Variants in PHF24 observed in about 807,000 individuals in gnomAD.
The protein encoded by PHF24 is Galpha inhibitory interacting protein.
In PHF24, 25 loss-of-function variants were observed where a neutral mutation model predicts 42.6. The observed-to-expected ratio is 0.59, with a 90% confidence interval of 0.43 to 0.82. PHF24 has a LOEUF of 0.82. Among genes scored for constraint, PHF24 ranks in the 40% least tolerant of loss-of-function variants. The pLI is 0.00. For synonymous variants in PHF24, 185 were observed against 204.8 expected (o/e 0.90, Z 0.83); for missense variants, 470 against 538.1 (o/e 0.87, Z 1.25).
chr9:34,973,002 G>C (rs181051526), intron 3 of PHF24, among the ~76,000 whole-genome samples: 1 of 151,902 alleles, frequency 6.6e-6, no homozygotes, highest in Non-Finnish European at 1.5e-5. Flanking sequence ...TACATTTTAG[G>C]CTGGCTAGTT....
chr9:34,947,997 T>C, the PHF24 span, among the ~76,000 whole-genome samples: 635 of 151,546 alleles, frequency 4.2e-3, 2 homozygotes, highest in Non-Finnish European at 6.9e-3. Flanking sequence ...TAGTCCCAGC[T>C]ACTCGGGAGG....
At chr9:34,855,374 A>G in the PHF24 span, among the ~76,000 whole-genome samples, 11 of 152,250 alleles carry the variant, frequency 7.2e-5, no homozygotes, top group East Asian at 2.1e-3. Context: ...AGTGTCATTG[A>G]TCTGTGTACT....
At chr9:34,680,470 C>G in the PHF24 span, among the ~76,000 whole-genome samples, 2 of 151,550 alleles carry the variant, frequency 1.3e-5, no homozygotes, top group East Asian at 3.9e-4. Context: ...GGGTGGATCA[C>G]GAGGTCAGGA....
chr9:34,808,916 T>C, the PHF24 span, among the ~76,000 whole-genome samples: 2 of 147,922 alleles, frequency 1.4e-5, no homozygotes, highest in Admixed American at 6.7e-5. Context: ...AGGGATAGCA[T>C]TGGGAGATAT....
chr9:34,784,962 GT>G, the PHF24 span, among the ~76,000 whole-genome samples: 2 of 152,314 alleles, frequency 1.3e-5, no homozygotes, highest in South Asian at 4.1e-4. Context: ...TTTGAAATGT[GT>G]TTTAGCTTTT....
chr9:34,931,394 A>AAAG, the PHF24 span, among the ~76,000 whole-genome samples: 1 of 149,406 alleles, frequency 6.7e-6, no homozygotes, highest in African/African-American at 2.5e-5. Flanking sequence ...AAAAAAAAAA[A>AAAG]GAATGGTATA....
chr9:34,681,349 A>C, the PHF24 span: 1 of 152,200 alleles, frequency 6.6e-6, no homozygotes, highest in Non-Finnish European at 1.5e-5. Flanking sequence ...TAGAAAATAG[A>C]GATGTAAGAT....
At chr9:34,833,097 G>A in the PHF24 span, 185 of 1,551,378 alleles carry the variant, frequency 1.2e-4, no homozygotes, top group African/African-American at 1.8e-3. Context: ...GTTGAGGAGC[G>A]CCCAAACCCC....
chr9:34,832,319 G>C, the PHF24 span: 1 of 634,730 alleles, frequency 1.6e-6, no homozygotes, highest in Non-Finnish European at 2.8e-6. Flanking sequence ...CTGGTTGGGG[G>C]GCACAAGCCA....
chr9:34,720,669 A>G, the PHF24 span, among the ~76,000 whole-genome samples: 3 of 151,816 alleles, frequency 2.0e-5, no homozygotes, highest in South Asian at 2.1e-4. Flanking sequence ...CCACCCATAT[A>G]ACCTCCCTGG....
the PHF24 span, among the ~76,000 whole-genome samples, chr9:34,882,075 C>T: frequency 6.6e-5 from 10 of 152,120 alleles, no homozygotes; most frequent in Non-Finnish European, 1.0e-4. Flanking sequence ...AATCAATAAA[C>T]GTAATCCATC....
At chr9:34,872,803 A>G in the PHF24 span, among the ~76,000 whole-genome samples, 1 of 141,702 alleles carries the variant, frequency 7.1e-6, no homozygotes, top group East Asian at 2.1e-4. Context: ...CAATGGTTGA[A>G]CTAGTTTACA....
the PHF24 span, among the ~76,000 whole-genome samples, chr9:34,711,358 C>A: frequency 2.0e-5 from 3 of 150,566 alleles, no homozygotes; most frequent in African/African-American, 7.3e-5. Context: ...GTGATCCTTC[C>A]ACCTCAGTCT....
At chr9:34,728,448 A>G in the PHF24 span, among the ~76,000 whole-genome samples, 5 of 152,182 alleles carry the variant, frequency 3.3e-5, no homozygotes, top group African/African-American at 1.2e-4. Context: ...ATTTTGGAAC[A>G]TTCTCAAGTT....
the PHF24 span, among the ~76,000 whole-genome samples, chr9:34,763,460 T>C: frequency 6.6e-6 from 1 of 152,216 alleles, no homozygotes; most frequent in Non-Finnish European, 1.5e-5. Context: ...TTTGAAGCAA[T>C]TGTGAATGGG....
At chr9:34,941,712 T>C in the PHF24 span, among the ~76,000 whole-genome samples, 2 of 152,186 alleles carry the variant, frequency 1.3e-5, no homozygotes, top group African/African-American at 4.8e-5. Context: ...GTCTTCTCAC[T>C]GTAACCTTAC....
the PHF24 span, among the ~76,000 whole-genome samples, chr9:34,776,422 T>C: frequency 1.3e-5 from 2 of 152,236 alleles, no homozygotes; most frequent in Non-Finnish European, 2.9e-5. Context: ...CTGGATTATT[T>C]CAAAATACTT....
the PHF24 span, chr9:34,691,421 T>A: frequency 4.2e-5 from 19 of 449,178 alleles, no homozygotes; most frequent in Non-Finnish European, 7.3e-5. Context: ...CCCCCTGCGG[T>A]TGCCCTTTCC....
the PHF24 span, among the ~76,000 whole-genome samples, chr9:34,728,271 TA>T: frequency 6.6e-6 from 1 of 152,252 alleles, no homozygotes; most frequent in Admixed American, 6.5e-5. Context: ...ATTTGATTTT[TA>T]CAACCACAAT....
Sources: allele counts gnomAD v4.1 joint callset (sites outside exome capture counted in the v4.1 genomes callset), GRCh38; gene constraint gnomAD v4.1.1; transcripts MANE v1.5; gene names NCBI Gene and HGNC (gene_info 2026-07-23, HGNC 2026-07-21).